KCNIP1: variants seen among roughly 807,000 people sequenced by gnomAD.
KCNIP1 encodes potassium voltage-gated channel interacting protein 1.
In KCNIP1, 18 loss-of-function variants were observed where a neutral mutation model predicts 33.0. The observed-to-expected ratio is 0.55, with a 90% CI of 0.38 to 0.81. The LOEUF is 0.81. Ranked by LOEUF, KCNIP1 falls within the 30% of genes least tolerant of loss-of-function variation. KCNIP1 has a pLI of 0.00. For synonymous variants in KCNIP1, 93 were observed against 98.3 expected, an observed-to-expected ratio of 0.95 and a Z score of 0.32; for missense variants, 238 against 271.6, an observed-to-expected ratio of 0.88 and a Z score of 0.87.
chr5:170,658,433 T>G (rs918232642), intron 1 of KCNIP1, among the ~76,000 whole-genome samples: 1 of 152,162 alleles, frequency 6.6e-6, no homozygotes, highest in African/African-American at 2.4e-5. Flanking sequence ...CACCCACAAA[T>G]TTATTAACCT....
intron 1 of KCNIP1, among the ~76,000 whole-genome samples, chr5:170,651,748 C>T (rs1340296065): frequency 1.3e-5 from 2 of 152,126 alleles, no homozygotes; most frequent in Admixed American, 1.3e-4. Flanking sequence ...AATTATTCAG[C>T]ATCCTCTCCC....
intron 1 of KCNIP1, among the ~76,000 whole-genome samples, chr5:170,618,526 G>GGGAGGAAA (rs1759480254): frequency 9.5e-6 from 1 of 104,812 alleles, no homozygotes; most frequent in Non-Finnish European, 2.0e-5. Context: ...AAGGGAGGGA[G>GGGAGGAAA]GGAGGGAGGA....
At chr5:170,716,942 T>G (rs1763662723) in intron 1 of KCNIP1, among the ~76,000 whole-genome samples, 1 of 152,224 alleles carries the variant, frequency 6.6e-6, no homozygotes, top group African/African-American at 2.4e-5. Context: ...TATTCCCATT[T>G]TCTTTATTTG....
chr5:170,517,860 T>C (rs111163580), intron 1 of KCNIP1, among the ~76,000 whole-genome samples: 28 of 126,446 alleles, frequency 2.2e-4, no homozygotes, highest in South Asian at 5.3e-4. Flanking sequence ...ATGGTAGTGA[T>C]GGTGGTGGTG....
chr5:170,425,095 G>A (rs748061811), intron 1 of KCNIP1, among the ~76,000 whole-genome samples: 7 of 152,140 alleles, frequency 4.6e-5, no homozygotes, highest in Non-Finnish European at 8.8e-5. Flanking sequence ...CCCTGCACAC[G>A]CTCCACACCA....
rs187837143 is a variant in KCNIP1 at position 170,569,113 on chromosome 5, C to T, written c.61+64480C>T. On this transcript the variant is annotated intron_variant, in intron 1 of 7. Transcript: ENST00000328939. ...AAGTGCTGCCCCCTGAAACCCTTTT[C>T]CAGTAACCATGGCCTCCAGGGGTCC... 1.4e-3 allele frequency among the ~76,000 whole-genome samples: 216 copies of T among 152,338 alleles called. 1 individual carries two copies. Among genetic ancestry groups the T allele is most frequent in the African/African-American group, 4.9e-3 (202 of 41,590 alleles).
At chr5:170,371,047 G>A (rs953430236) in intron 1 of KCNIP1, among the ~76,000 whole-genome samples, 2 of 152,232 alleles carry the variant, frequency 1.3e-5, no homozygotes, top group African/African-American at 4.8e-5. Flanking sequence ...ACTTGTGAAA[G>A]AAAGTAGAGA....
intron 1 of KCNIP1, among the ~76,000 whole-genome samples, chr5:170,595,621 G>T (rs923156786): frequency 6.6e-6 from 1 of 152,114 alleles, no homozygotes; most frequent in Non-Finnish European, 1.5e-5. Context: ...GGGGCAAGGA[G>T]AAAAAAACAA....
intron 1 of KCNIP1, among the ~76,000 whole-genome samples, chr5:170,370,026 A>C (rs1254960953): frequency 6.6e-6 from 1 of 152,152 alleles, no homozygotes; most frequent in Non-Finnish European, 1.5e-5. Flanking sequence ...AGGGAAGTTC[A>C]AAGCAAAGAT....
chr5:170,357,179 T>G (rs545536557), intron 1 of KCNIP1, among the ~76,000 whole-genome samples: 1 of 152,058 alleles, frequency 6.6e-6, no homozygotes, highest in Admixed American at 6.5e-5. Flanking sequence ...GGAGCACAGT[T>G]GGTTTCTAGA....
intron 1 of KCNIP1, among the ~76,000 whole-genome samples, chr5:170,622,939 G>A (rs923055689): frequency 6.6e-6 from 1 of 152,236 alleles, no homozygotes; most frequent in African/African-American, 2.4e-5. Flanking sequence ...CAGGGTGTGT[G>A]GGGTGGGAGA....
intron 1 of KCNIP1, among the ~76,000 whole-genome samples, chr5:170,665,309 C>T (rs113509610): frequency 6.6e-6 from 1 of 152,010 alleles, no homozygotes. Flanking sequence ...GTCCAGCAGA[C>T]AGATTTATTT....
intron 1 of KCNIP1, among the ~76,000 whole-genome samples, chr5:170,668,481 T>C (rs1761791444): frequency 6.6e-6 from 1 of 152,204 alleles, no homozygotes; most frequent in Admixed American, 6.5e-5. Flanking sequence ...ATGTTGGTTG[T>C]TCCAGCACCA....
At chr5:170,673,647 G>T (rs1012836622) in intron 1 of KCNIP1, among the ~76,000 whole-genome samples, 1 of 152,162 alleles carries the variant, frequency 6.6e-6, no homozygotes, top group African/African-American at 2.4e-5. Flanking sequence ...CATGTGTAAG[G>T]TATAGTTCCT....
intron 5 of KCNIP1, among the ~76,000 whole-genome samples, chr5:170,728,822 T>C (rs1190860016): frequency 6.6e-6 from 1 of 152,022 alleles, no homozygotes; most frequent in Admixed American, 6.6e-5. Flanking sequence ...CATTGGAAGA[T>C]TAATCAGATG....
chr5:170,420,457 T>A (rs1363162588), intron 1 of KCNIP1: 1 of 149,926 alleles, frequency 6.7e-6, no homozygotes, highest in African/African-American at 2.5e-5. Flanking sequence ...CACTTGAACC[T>A]GGGAGGCCGA....
upstream of KCNIP1, among the ~76,000 whole-genome samples, chr5:170,503,755 C>T (rs866903106): frequency 5.7e-5 from 7 of 121,898 alleles, no homozygotes; most frequent in South Asian, 2.9e-4. Context: ...CACACACACA[C>T]ACACACACAT....
chr5:170,542,564 A>T (rs1756253192), intron 1 of KCNIP1, among the ~76,000 whole-genome samples: 1 of 152,192 alleles, frequency 6.6e-6, no homozygotes, highest in South Asian at 2.1e-4. Context: ...TAGATTGGGT[A>T]AAGTAGTCTC....
chr5:170,541,327 G>A (rs1026287656), intron 1 of KCNIP1, among the ~76,000 whole-genome samples: 12 of 152,162 alleles, frequency 7.9e-5, no homozygotes, highest in East Asian at 5.8e-4. Flanking sequence ...ATTTCTCACC[G>A]TCACCCCCTG....
Sources: gnomAD v4.1 joint callset for allele counts (sites outside exome capture counted in the v4.1 genomes callset) on GRCh38, gnomAD v4.1.1 for gene constraint, MANE v1.5 for transcripts, NCBI Gene and HGNC (gene_info 2026-07-23, HGNC 2026-07-21) for gene names.